The following C10orf67 variants were observed in gnomAD, a reference collection of about 807,000 sequenced individuals.
C10orf67 encodes the protein uncharacterized protein C10orf67, mitochondrial.
A neutral mutation model predicts 35.6 loss-of-function variants in C10orf67; 60 were observed. That is an observed-to-expected ratio of 1.68 (90% CI 1.37 to 2.09). The LOEUF is 2.09. C10orf67 is among the 30% of genes most tolerant of loss of function. C10orf67 has a pLI of 0.00. For synonymous variants in C10orf67, 167 were observed against 115.8 expected (o/e 1.44, Z -2.84); for missense variants, 474 against 330.2 (o/e 1.44, Z -3.38).
chr10:23,215,764 C>T lies in C10orf67; in HGVS notation c.1570+7834G>A, dbSNP rs190874374. ...CCAGAAAATTAAAATTAATTATCAA[C>T]ACAAAAGTTAAGAAATATAGGTATA... is the stretch of plus-strand genomic sequence containing the variant. On this transcript the variant is annotated intron_variant, in intron 15 of 15. Transcript: ENST00000636213. Among the ~76,000 whole-genome samples the T allele has an allele frequency of 6.2e-4, 94 of 151,980 alleles. 2 individuals carry two copies. The East Asian group carries it at 0.014, about 22-fold the overall frequency.
intron 12 of C10orf67, among the ~76,000 whole-genome samples, chr10:23,247,527 A>C (rs891353838): frequency 9.2e-5 from 14 of 152,306 alleles, no homozygotes; most frequent in South Asian, 2.1e-4. Context: ...CAATGATGAA[A>C]TCGCCTAATG....
chr10:23,219,091 C>A (rs182405272), intron 15 of C10orf67, among the ~76,000 whole-genome samples: 50 of 152,156 alleles, frequency 3.3e-4, no homozygotes, highest in African/African-American at 1.2e-3. Context: ...ATCTTGGGTC[C>A]AAGGCTTCAA....
At chr10:23,218,307 AT>A (rs371926193) in intron 15 of C10orf67, among the ~76,000 whole-genome samples, 2,626 of 119,060 alleles carry the variant, frequency 0.022, 17 homozygotes, top group Middle Eastern at 0.048. Context: ...CACGAGGCTA[AT>A]TTTTTTTTTT....
chr10:23,284,622 G>C (rs1254445354), intron 7 of C10orf67, among the ~76,000 whole-genome samples: 2 of 151,978 alleles, frequency 1.3e-5, no homozygotes, highest in African/African-American at 4.8e-5. Context: ...GCCCAGGAAG[G>C]CTGCAGTGAG....
At chr10:23,317,322 C>T (rs1844760717) in intron 4 of C10orf67, 1 of 152,328 alleles carries the variant, frequency 6.6e-6, no homozygotes, top group African/African-American at 2.4e-5. Context: ...GGAGTAGGCA[C>T]TTCCGAGCCT....
intron 4 of C10orf67, among the ~76,000 whole-genome samples, chr10:23,314,851 C>A (rs1173221338): frequency 6.6e-6 from 1 of 152,118 alleles, no homozygotes; most frequent in Admixed American, 6.5e-5. Context: ...AACATAATTA[C>A]ATACAACTCT....
intron 13 of C10orf67, among the ~76,000 whole-genome samples, chr10:23,235,192 A>G (rs140843519): frequency 1.3e-3 from 193 of 152,254 alleles, no homozygotes; most frequent in African/African-American, 4.5e-3. Context: ...TACATAGTCA[A>G]TTGATCTAGA....
intron 4 of C10orf67, chr10:23,318,685 G>A (rs145899024): frequency 9.4e-5 from 50 of 529,976 alleles, no homozygotes; most frequent in Middle Eastern, 1.0e-3. Flanking sequence ...CACAGAGATC[G>A]TTAGCAGAGC....
chr10:23,229,269 T>C (rs1841838270), intron 13 of C10orf67, among the ~76,000 whole-genome samples: 1 of 151,958 alleles, frequency 6.6e-6, no homozygotes, highest in Non-Finnish European at 1.5e-5. Context: ...AAGGATGATT[T>C]CATGTCCTTT....
At chr10:23,312,389 A>G (rs1376859250) in intron 4 of C10orf67, among the ~76,000 whole-genome samples, 3 of 152,206 alleles carry the variant, frequency 2.0e-5, no homozygotes, top group Admixed American at 1.3e-4. Flanking sequence ...GTGTTCTGAC[A>G]TGCCTTCATA....
chr10:23,255,700 G>GAAA (rs377033302), intron 10 of C10orf67, among the ~76,000 whole-genome samples: 1 of 146,924 alleles, frequency 6.8e-6, no homozygotes, highest in African/African-American at 2.5e-5. Flanking sequence ...GTTTATAACC[G>GAAA]AAAAAAAAAA....
At chr10:23,215,949 G>A (rs1040448168) in intron 15 of C10orf67, among the ~76,000 whole-genome samples, 1 of 152,138 alleles carries the variant, frequency 6.6e-6, no homozygotes, top group Non-Finnish European at 1.5e-5. Flanking sequence ...GAGAACTTTA[G>A]TGACTTGATT....
At chr10:23,218,536 G>A (rs768411927) in intron 15 of C10orf67, among the ~76,000 whole-genome samples, 111 of 151,890 alleles carry the variant, frequency 7.3e-4, no homozygotes, top group Non-Finnish European at 3.1e-4. Flanking sequence ...AAAAAGCAAG[G>A]GAAATTCCTA....
At chr10:23,242,220 C>T (rs928980574) in intron 12 of C10orf67, among the ~76,000 whole-genome samples, 3 of 152,106 alleles carry the variant, frequency 2.0e-5, no homozygotes, top group Non-Finnish European at 4.4e-5. Flanking sequence ...CCACCCACCT[C>T]GGCCTCCCAA....
chr10:23,334,126 G>T (rs988787365), intron 1 of C10orf67, among the ~76,000 whole-genome samples: 9 of 152,074 alleles, frequency 5.9e-5, no homozygotes, highest in African/African-American at 1.9e-4. Flanking sequence ...CTCTTTGAGG[G>T]TGCCAATAAT....
chr10:23,274,596 C>A (rs1214873600), intron 8 of C10orf67, among the ~76,000 whole-genome samples: 1 of 152,120 alleles, frequency 6.6e-6, no homozygotes, highest in Admixed American at 6.5e-5. Context: ...GCTGTCAGAC[C>A]TTATGGTTAT....
chr10:23,333,172 A>C lies in C10orf67; in HGVS notation c.217T>G (p.Ser73Ala). Reference protein sequence around the residue: ...QMRGSTRLNISDDLKIGFFST... With the variant: ...QMRGSTRLNIADDLKIGFFST... Reference sequence around the variant, plus strand: ...AAAAAGCCAATCTTTAAATCATCTGAAATGTTAAGTCTGAAAACAAAGGAA... The same window carrying C: ...AAAAAGCCAATCTTTAAATCATCTGCAATGTTAAGTCTGAAAACAAAGGAA... The change falls in exon 2 of 16, where the codon TCA (serine) becomes GCA (alanine). Residue 73 changes from serine to alanine, a missense_variant. By Grantham distance (99) the Ser-to-Ala change is moderately conservative. Coordinates refer to ENST00000636213, the MANE Select transcript of C10orf67 (RefSeq NM_001371909.1). The C allele has an allele frequency of 6.2e-7, 1 of 1,603,224 alleles. No individual in the cohort carries two copies. The highest frequency in any genetic ancestry group is 8.5e-7 in the Non-Finnish European group (1 of 1,173,038).
At chr10:23,333,302 G>A in intron 1 of C10orf67, 120 bp from the exon 2 acceptor site, 4 of 871,254 alleles carry the variant, frequency 4.6e-6, no homozygotes, top group Non-Finnish European at 6.8e-6. Context: ...AGGTTGGTGA[G>A]GTGAGGAAGC....
At chr10:23,301,688 G>T in intron 5 of C10orf67, among the ~76,000 whole-genome samples, 1 of 151,962 alleles carries the variant, frequency 6.6e-6, no homozygotes, top group East Asian at 1.9e-4. Flanking sequence ...CCATGCGGTG[G>T]TGGTGGGCCT....
Sources: allele counts gnomAD v4.1 joint callset (sites outside exome capture counted in the v4.1 genomes callset), GRCh38; gene constraint gnomAD v4.1.1; transcripts MANE v1.5; gene names NCBI Gene and HGNC (gene_info 2026-07-23, HGNC 2026-07-21).